The following MBD5 variants were observed in gnomAD, a reference collection of about 807,000 sequenced individuals.
MBD5 encodes methyl-CpG binding domain protein 5.
MBD5 carries 13 observed loss-of-function variants against 117.3 expected under a neutral mutation model. The observed-to-expected ratio is 0.11, with a 90% confidence interval of 0.07 to 0.18. The LOEUF is 0.18. MBD5 is among the 10% of genes least tolerant of loss of function. The probability of loss-of-function intolerance (pLI) is 1.00; values close to 1 mark genes in which losing one functional copy is unlikely to be tolerated. For missense variants in MBD5, 1,879 were observed against 2,093.8 expected (o/e 0.90, Z 2.00); for synonymous variants, 727 against 766.4 (o/e 0.95, Z 0.85).
chr2:148,039,297 TG>T (rs1433336006), intron 1 of MBD5, among the ~76,000 whole-genome samples: 3 of 152,130 alleles, frequency 2.0e-5, no homozygotes, highest in African/African-American at 4.8e-5. Context: ...GTATATTTGT[TG>T]TTTTGTCTTC....
chr2:148,206,241 C>A (rs1574136016), intron 2 of MBD5, among the ~76,000 whole-genome samples: 1 of 151,998 alleles, frequency 6.6e-6, no homozygotes, highest in East Asian at 1.9e-4. Flanking sequence ...AAGAACAATT[C>A]TTTCTGTTAG....
At chr2:148,491,192 C>T (rs893786055) in intron 11 of MBD5, among the ~76,000 whole-genome samples, 4 of 151,084 alleles carry the variant, frequency 2.6e-5, no homozygotes, top group Admixed American at 1.3e-4. Flanking sequence ...TGTTTAACCT[C>T]ATAGTCTGGT....
intron 3 of MBD5, among the ~76,000 whole-genome samples, chr2:148,246,411 G>T (rs1209227527): frequency 6.6e-6 from 1 of 151,954 alleles, no homozygotes; most frequent in African/African-American, 2.4e-5. Flanking sequence ...CATGTATTAT[G>T]TGTACATGTT....
intron 4 of MBD5, among the ~76,000 whole-genome samples, chr2:148,441,059 C>T (rs1279848721): frequency 6.6e-6 from 1 of 151,754 alleles, no homozygotes; most frequent in Admixed American, 6.6e-5. Flanking sequence ...ATGCCTCTTT[C>T]TATTTCCTGC....
intron 1 of MBD5, among the ~76,000 whole-genome samples, chr2:148,062,987 A>C (rs1695081044): frequency 6.6e-6 from 1 of 152,172 alleles, no homozygotes; most frequent in Admixed American, 6.5e-5. Context: ...ATTTCTCAGC[A>C]CATATTTGCG....
chr2:148,191,067 T>C (rs2105904602), intron 2 of MBD5, among the ~76,000 whole-genome samples: 1 of 140,754 alleles, frequency 7.1e-6, no homozygotes, highest in South Asian at 2.4e-4. Context: ...CTATCCTAAA[T>C]ATTTATGCAC....
Position 148,483,088 on chromosome 2 carries a change from GTTTTTTT to G in MBD5, c.2519-15_2519-9del. On this transcript the variant is annotated splice_polypyrimidine_tract_variant and intron_variant, in intron 8 of 13. Transcript: ENST00000642680. ...TTCATGATTAATAACTGGGTTTTGT[GTTTTTTT>G]TTTTTTCATTTTAGGCGGTTCAGGA... is the stretch of plus-strand genomic sequence containing the variant. 2 of 1,340,484 alleles carry G rather than the reference GTTTTTTT, an allele frequency of 1.5e-6. No homozygotes were observed. The highest frequency in any genetic ancestry group is 2.1e-6 in the Non-Finnish European group (2 of 973,900). 83.0% of individuals were successfully genotyped at this position (1,340,484 alleles called of 1,614,324 possible).
chr2:148,090,318 G>A (rs1695903880), intron 1 of MBD5, among the ~76,000 whole-genome samples: 1 of 151,982 alleles, frequency 6.6e-6, no homozygotes, highest in African/African-American at 2.4e-5. Context: ...AAGATAGAGA[G>A]AATCTTCCCT....
At chr2:148,318,693 G>T (rs76181824) in intron 3 of MBD5, among the ~76,000 whole-genome samples, 4,269 of 152,102 alleles carry the variant, frequency 0.028, 99 homozygotes, top group African/African-American at 0.06. Context: ...AGTACCCCTT[G>T]TTGAATAGGA....
chr2:148,449,936 A>G (rs1457660349), intron 4 of MBD5, among the ~76,000 whole-genome samples: 2 of 152,028 alleles, frequency 1.3e-5, no homozygotes, highest in Non-Finnish European at 1.5e-5. Flanking sequence ...GCAATGAGAA[A>G]GTATGTTTTT....
At chr2:148,335,127 G>A (rs571776220) in intron 3 of MBD5, among the ~76,000 whole-genome samples, 9 of 152,104 alleles carry the variant, frequency 5.9e-5, no homozygotes, top group Non-Finnish European at 1.3e-4. Context: ...AGTAGCTCAT[G>A]CCTGTAATCC....
chr2:148,513,002 T>C lies in MBD5; in HGVS notation c.*61T>C. On this transcript the variant is annotated 3_prime_UTR_variant, in exon 14 of 14. Coordinates refer to ENST00000642680, the MANE Select transcript of MBD5 (RefSeq NM_001378120.1). ...AGGAACATGCACAGATGTATCTGTA[T>C]ATAGGTATTGATATAGCCACAGTTA... The C allele has an allele frequency of 4.9e-6, 7 of 1,420,580 alleles. No individual in the cohort carries two copies. The highest frequency in any genetic ancestry group is 6.0e-6 in the Non-Finnish European group (6 of 1,004,500). The allele number at this position is 1,420,580 out of a possible 1,614,324, so 88.0% of individuals were successfully genotyped here. A position where few individuals can be genotyped will look rare whatever the true frequency, so the allele number is the denominator to read the frequency against.
chr2:148,464,812 A>AAC (rs1297681299), intron 7 of MBD5, among the ~76,000 whole-genome samples: 1 of 150,628 alleles, frequency 6.6e-6, no homozygotes, highest in East Asian at 1.9e-4. Flanking sequence ...TAAAAAAAAA[A>AAC]AAAAAACTAG....
At chr2:148,087,752 T>C (rs1695832689) in intron 1 of MBD5, among the ~76,000 whole-genome samples, 1 of 152,126 alleles carries the variant, frequency 6.6e-6, no homozygotes, top group Admixed American at 6.5e-5. Flanking sequence ...ACTACCATAG[T>C]CTACCCAAAT....
At chr2:148,088,452 G>C (rs141232949) in intron 1 of MBD5, among the ~76,000 whole-genome samples, 3 of 152,212 alleles carry the variant, frequency 2.0e-5, no homozygotes, top group African/African-American at 4.8e-5. Context: ...CTTAAGAACT[G>C]TGAGTCTAAA....
At chr2:148,080,655 T>G (rs560081161) in intron 1 of MBD5, among the ~76,000 whole-genome samples, 48 of 152,278 alleles carry the variant, frequency 3.2e-4, no homozygotes, top group African/African-American at 1.0e-3. Context: ...AATACACATC[T>G]TGCTGTTTTG....
chr2:148,262,219 A>C (rs538254758), intron 3 of MBD5, among the ~76,000 whole-genome samples: 6 of 152,166 alleles, frequency 3.9e-5, no homozygotes, highest in African/African-American at 1.2e-4. Context: ...TTTGTAAAAA[A>C]CACAATATCT....
intron 2 of MBD5, among the ~76,000 whole-genome samples, chr2:148,200,952 GTTAA>G (rs989979974): frequency 6.6e-6 from 1 of 152,058 alleles, no homozygotes; most frequent in Non-Finnish European, 1.5e-5. Context: ...TTATTTATTT[GTTAA>G]TTCATTCATT....
At chr2:148,145,465 G>C (rs960428180) in intron 1 of MBD5, among the ~76,000 whole-genome samples, 2 of 152,084 alleles carry the variant, frequency 1.3e-5, no homozygotes, top group Non-Finnish European at 2.9e-5. Context: ...GATTGCCCTG[G>C]CCAGAACTTC....
Sources: allele counts gnomAD v4.1 joint callset (sites outside exome capture counted in the v4.1 genomes callset), GRCh38; gene constraint gnomAD v4.1.1; transcripts MANE v1.5; gene names NCBI Gene and HGNC (gene_info 2026-07-23, HGNC 2026-07-21).